PPFIA2: variants seen among roughly 807,000 people sequenced by gnomAD.
PPFIA2 encodes the protein liprin-alpha-2.
Under a neutral mutation model 175.5 loss-of-function variants are expected in PPFIA2, and 46 were observed. That is an observed-to-expected ratio of 0.26 (90% CI 0.21 to 0.34). The LOEUF (loss-of-function observed/expected upper bound fraction) is 0.34, where lower values mean the gene tolerates loss of function less well. Ranked by LOEUF, PPFIA2 falls within the 10% of genes least tolerant of loss-of-function variation. The pLI is 1.00. For synonymous variants in PPFIA2, 568 were observed against 511.4 expected (o/e 1.11, Z -1.49); for missense variants, 1,179 against 1,506.1 (o/e 0.78, Z 3.60).
intron 4 of PPFIA2, among the ~76,000 whole-genome samples, chr12:81,645,269 C>A (rs1190857158): frequency 6.6e-6 from 1 of 152,010 alleles, no homozygotes; most frequent in Non-Finnish European, 1.5e-5. Context: ...ATTAATTTTA[C>A]TCATCATATT....
At chr12:81,696,063 A>G (rs917839892) in intron 3 of PPFIA2, among the ~76,000 whole-genome samples, 1 of 152,158 alleles carries the variant, frequency 6.6e-6, no homozygotes, top group Non-Finnish European at 1.5e-5. Flanking sequence ...GGATGCCTGG[A>G]TTTGAATATT....
chr12:81,484,407 C>A (rs530183921), intron 4 of PPFIA2, among the ~76,000 whole-genome samples: 11 of 151,900 alleles, frequency 7.2e-5, no homozygotes, highest in Non-Finnish European at 1.5e-4. Context: ...GTTCTAGGAA[C>A]ACTCTGGAGG....
chr12:81,700,784 G>A (rs578246815), intron 3 of PPFIA2, among the ~76,000 whole-genome samples: 10 of 151,932 alleles, frequency 6.6e-5, no homozygotes, highest in Admixed American at 1.3e-4. Flanking sequence ...AACTAACATC[G>A]GTTGGATATA....
At chr12:81,423,171 ATGAATTC>A (rs1405926791) in intron 7 of PPFIA2, among the ~76,000 whole-genome samples, 1 of 152,160 alleles carries the variant, frequency 6.6e-6, no homozygotes, top group Admixed American at 6.6e-5. Context: ...GCCTTCACAG[ATGAATTC>A]TACCAAACAC....
intron 4 of PPFIA2, among the ~76,000 whole-genome samples, chr12:81,613,140 G>T (rs2061100854): frequency 6.6e-6 from 1 of 152,088 alleles, no homozygotes; most frequent in African/African-American, 2.4e-5. Flanking sequence ...TTCATGTTTT[G>T]AAATATATGT....
chr12:81,659,290 G>C (rs1181538133), intron 4 of PPFIA2, among the ~76,000 whole-genome samples: 1 of 152,156 alleles, frequency 6.6e-6, no homozygotes, highest in East Asian at 1.9e-4. Flanking sequence ...GAAGCGCAAG[G>C]GGTCAAGGAA....
intron 7 of PPFIA2, among the ~76,000 whole-genome samples, chr12:81,426,226 CT>C (rs1208252681): frequency 6.6e-6 from 1 of 152,166 alleles, no homozygotes; most frequent in East Asian, 1.9e-4. Flanking sequence ...TGGTAATACT[CT>C]GTCATGTGTC....
chr12:81,636,027 C>T (rs900089281), intron 4 of PPFIA2, among the ~76,000 whole-genome samples: 32 of 152,210 alleles, frequency 2.1e-4, no homozygotes, highest in African/African-American at 7.0e-4. Context: ...AATCTCTACA[C>T]CTACTTAGAT....
At chr12:81,559,820 T>C (rs150206741) in intron 4 of PPFIA2, among the ~76,000 whole-genome samples, 1,558 of 151,932 alleles carry the variant, frequency 0.01, 54 homozygotes, top group Admixed American at 0.062. Context: ...TTTTTTGTTG[T>C]TGTTTTTTTG....
rs1057371828 is a variant in PPFIA2 at position 81,437,643 on chromosome 12, T to C, written c.645+2329A>G. On this transcript the variant is annotated intron_variant, in intron 7 of 32. Transcript: ENST00000549396. ...ATATTAAGCCATGCTTTTATAATAG[T>C]AGCCACCAAACTTTTTGTTTGTTTG... Among the ~76,000 whole-genome samples the C allele has an allele frequency of 2.4e-4, 36 of 152,210 alleles. 1 individual carries two copies. The highest frequency in any genetic ancestry group is 1.3e-4 in the Admixed American group (2 of 15,286).
At chr12:81,338,515 C>T (rs979893373) in intron 21 of PPFIA2, among the ~76,000 whole-genome samples, 5 of 152,032 alleles carry the variant, frequency 3.3e-5, no homozygotes, top group East Asian at 3.9e-4. Context: ...AATTATAACA[C>T]AATATCTATT....
intron 3 of PPFIA2, among the ~76,000 whole-genome samples, chr12:81,752,735 A>G (rs1161780320): frequency 6.6e-6 from 1 of 152,186 alleles, no homozygotes; most frequent in African/African-American, 2.4e-5. Flanking sequence ...ATAGTTTTCA[A>G]TATTTATAAA....
chr12:81,322,866 A>G (rs1258845757), intron 22 of PPFIA2, among the ~76,000 whole-genome samples: 1 of 152,200 alleles, frequency 6.6e-6, no homozygotes, highest in Non-Finnish European at 1.5e-5. Flanking sequence ...TCTCATAATA[A>G]GACAATAGAG....
chr12:81,335,079 C>T (rs1043004976), intron 21 of PPFIA2, among the ~76,000 whole-genome samples: 1 of 151,898 alleles, frequency 6.6e-6, no homozygotes, highest in Non-Finnish European at 1.5e-5. Context: ...TGTGGTAGGT[C>T]GTAAAGTGAT....
chr12:81,440,835 A>T (rs1380396336), intron 6 of PPFIA2, among the ~76,000 whole-genome samples: 5 of 146,374 alleles, frequency 3.4e-5, no homozygotes, highest in South Asian at 2.1e-4. Context: ...TATATATATA[A>T]AACAATTCAG....
intron 4 of PPFIA2, among the ~76,000 whole-genome samples, chr12:81,557,307 T>C (rs2069066549): frequency 6.6e-6 from 1 of 151,832 alleles, no homozygotes; most frequent in Non-Finnish European, 1.5e-5. Context: ...TGTCTAGAAA[T>C]TTGACTGAAC....
chr12:81,665,133 A>G (rs1227167064), intron 4 of PPFIA2, among the ~76,000 whole-genome samples: 1 of 151,988 alleles, frequency 6.6e-6, no homozygotes, highest in East Asian at 1.9e-4. Context: ...ACATGTATAC[A>G]TATGTAACAA....
chr12:81,616,902 G>A (rs978409263), intron 4 of PPFIA2, among the ~76,000 whole-genome samples: 1 of 152,120 alleles, frequency 6.6e-6, no homozygotes, highest in Non-Finnish European at 1.5e-5. Flanking sequence ...TAGGTGCAAA[G>A]AGTCAGATAT....
At chr12:81,299,481 A>C in intron 22 of PPFIA2, 99 bp from the exon 23 acceptor site, 2 of 1,428,508 alleles carry the variant, frequency 1.4e-6, no homozygotes, top group East Asian at 2.5e-5. Flanking sequence ...CATCCTTTAC[A>C]AGATTTTTTA....
Sources: gnomAD v4.1 joint callset for allele counts (sites outside exome capture counted in the v4.1 genomes callset) on GRCh38, gnomAD v4.1.1 for gene constraint, MANE v1.5 for transcripts, NCBI Gene and HGNC (gene_info 2026-07-23, HGNC 2026-07-21) for gene names.